LRBA: variants seen among roughly 807,000 people sequenced by gnomAD.
LRBA encodes LPS responsive beige-like anchor protein.
A neutral mutation model predicts 330.0 loss-of-function variants in LRBA; 176 were observed. The ratio of observed to expected loss-of-function variants is 0.53; its 90% CI spans 0.47 to 0.60. The LOEUF (loss-of-function observed/expected upper bound fraction) is 0.60, where lower values mean the gene tolerates loss of function less well. Ranked by LOEUF, LRBA falls within the 20% of genes least tolerant of loss-of-function variation. The pLI is 0.00. For missense variants in LRBA, 3,259 were observed against 3,444.8 expected (o/e 0.95, Z 1.35); for synonymous variants, 1,230 against 1,193.0 (o/e 1.03, Z -0.64).
At chr4:150,584,099 A>G (rs1400923456) in intron 40 of LRBA, 1 of 1,545,176 alleles carries the variant, frequency 6.5e-7, no homozygotes. Flanking sequence ...AAAAGCCTGG[A>G]CAAACTATAG....
chr4:150,399,525 C>T lies in LRBA; in HGVS notation c.7194+15913G>A, dbSNP rs1049641668. Among the ~76,000 whole-genome samples, 11 of 152,122 alleles carry T rather than the reference C, an allele frequency of 7.2e-5. 1 individual carries two copies. The highest frequency in any genetic ancestry group is 4.6e-4 in the Admixed American group (7 of 15,262). ...ACAAAGAATAAGAGAGGTCCTCAAG[C>T]GGCTCAACATCTCATGGTGAAAATG... On this transcript the variant is annotated intron_variant, in intron 47 of 56. Transcript: ENST00000651943.
intron 42 of LRBA, among the ~76,000 whole-genome samples, chr4:150,472,852 C>A (rs1756300794): frequency 6.6e-6 from 1 of 151,994 alleles, no homozygotes; most frequent in Admixed American, 6.6e-5. Context: ...TGACTAGTAT[C>A]CCACTGTATA....
At chr4:150,678,143 A>G (rs1369435662) in intron 37 of LRBA, among the ~76,000 whole-genome samples, 4 of 152,012 alleles carry the variant, frequency 2.6e-5, no homozygotes, top group Non-Finnish European at 4.4e-5. Context: ...TCAAAGGCTG[A>G]GACAGGATAA....
chr4:150,565,518 T>TA lies in LRBA; in HGVS notation c.6330+22529dup, dbSNP rs1016101619. Among the ~76,000 whole-genome samples, 8 of 151,912 alleles carry TA rather than the reference T, an allele frequency of 5.3e-5. No homozygotes were observed. The East Asian group carries it at 5.8e-4, about 11-fold the overall frequency. ...AGAACTAAAAATAAAATAAAAAATG[T>TA]AAAAAAAATAAAATCTATGTTTTAT... is the stretch of plus-strand genomic sequence containing the variant. On this transcript the variant is annotated intron_variant, in intron 40 of 56. Transcript: ENST00000651943.
rs1773825064 is a variant in LRBA, at chr4:150,599,058, G to A, written c.5995C>T (p.Pro1999Ser). 6.2e-7 allele frequency: 1 copy of A among 1,613,888 alleles called. No homozygotes were observed. The highest frequency in any genetic ancestry group is 8.5e-7 in the Non-Finnish European group (1 of 1,179,962). ...GCTTCAGGATGTGTCGATCCTAGAG[G>A]GTTACGCACAAATCGTCGCCGGCGC... The part of the protein sequence containing the change: ...LRRRRRFVRN[P>S]LGSTHPEATL... The change falls in exon 38 of 57, where the codon CCT becomes TCT. Residue 1999 changes from proline to serine, a missense_variant. Transcript: ENST00000651943.
chr4:150,908,669 G>A lies in LRBA; in HGVS notation c.1350C>T (p.Leu450=), dbSNP rs143448521. 5.6e-6 allele frequency: 9 copies of A among 1,612,104 alleles called. No homozygotes were observed. Among genetic ancestry groups the A allele is most frequent in the African/African-American group, 5.3e-5 (4 of 74,862 alleles). The change falls in exon 10 of 57, where the codon CTC becomes CTT. Residue 450 remains leucine (L), a synonymous_variant. Coordinates refer to ENST00000651943, the MANE Select transcript of LRBA (RefSeq NM_001364905.1). ...AGATCACAGTTAGTACCTGGAGCATGAGTGCATGTGGTGAATGAACAAAAA... is the reference window on the plus strand; with the variant it reads ...AGATCACAGTTAGTACCTGGAGCATAAGTGCATGTGGTGAATGAACAAAAA... ...PSIFVHSPHA[L]MLQDVKAVLT...
In LRBA at chr4:150,583,563, G is replaced by T; in HGVS notation, c.6330+4485C>A. The T allele has an allele frequency of 1.2e-6, 2 of 1,613,874 alleles. No individual in the cohort carries two copies. The highest frequency in any genetic ancestry group is 1.1e-5 in the South Asian group (1 of 91,062). On this transcript the variant is annotated intron_variant, in intron 40 of 56. Coordinates refer to ENST00000651943, the MANE Select transcript of LRBA (RefSeq NM_001364905.1). The surrounding 1 kb of genome is among the most constrained non-coding windows in gnomAD (Gnocchi z 9.8). ...TCACTCCGGCGTTCAAGTGCACCGG[G>T]ATCTGGCCTCGCAGCGCGGCACAGT...
rs1773806964 is a variant in LRBA at position 150,598,940 on chromosome 4, A to G, written c.6046+67T>C. ...CATTTTACAGTGCCTTGTAATAATG[A>G]AGTTATGCTCTTCATTACCAAGTCC... On this transcript the variant is annotated intron_variant, in intron 38 of 56. Transcript: ENST00000651943. 1.9e-6 allele frequency: 3 copies of G among 1,570,596 alleles called. No homozygotes were observed. In the South Asian group the frequency reaches 3.4e-5, roughly 18 times the overall value.
intron 42 of LRBA, among the ~76,000 whole-genome samples, chr4:150,486,593 T>C (rs1173210426): frequency 1.3e-5 from 2 of 151,910 alleles, no homozygotes; most frequent in South Asian, 2.1e-4. Flanking sequence ...TTGTCTTGTA[T>C]ACATCACGAA....
intron 9 of LRBA, among the ~76,000 whole-genome samples, chr4:150,912,747 A>C (rs1324824472): frequency 1.3e-5 from 2 of 151,906 alleles, no homozygotes; most frequent in African/African-American, 4.8e-5. Flanking sequence ...TGCTAACGTT[A>C]ACTTTATTTG....
rs886227063 is a variant in LRBA, at chr4:150,851,985, G to A, written c.3725C>T (p.Ala1242Val). The A allele has an allele frequency of 4.4e-5, 71 of 1,613,916 alleles. No homozygotes were observed. Among genetic ancestry groups the A allele is most frequent in the Non-Finnish European group, 5.4e-5 (64 of 1,179,994 alleles). Reference sequence around the variant, plus strand: ...AGCAACATTGGAAACATCCAACTTCGCAATCTTTTGCTCAGAAGAAGCCTC... The same window carrying A: ...AGCAACATTGGAAACATCCAACTTCACAATCTTTTGCTCAGAAGAAGCCTC... ...VSEASSEQKIAKLDVSNVATD... is the reference protein window; with the variant it reads ...VSEASSEQKIVKLDVSNVATD... The change falls in exon 23 of 57, where the codon GCG becomes GTG. Residue 1242 changes from alanine (A) to valine (V), a missense_variant. Transcript: ENST00000651943.
intron 47 of LRBA, among the ~76,000 whole-genome samples, chr4:150,411,949 T>C (rs930566450): frequency 6.6e-6 from 1 of 152,094 alleles, no homozygotes; most frequent in African/African-American, 2.4e-5. Context: ...TAAGATACAA[T>C]ACTAACAATT....
chr4:150,681,621 G>A (rs1260249494), intron 37 of LRBA, among the ~76,000 whole-genome samples: 1 of 152,090 alleles, frequency 6.6e-6, no homozygotes, highest in African/African-American at 2.4e-5. Flanking sequence ...GATTTATAGA[G>A]AGGAAAATAT....
intron 28 of LRBA, among the ~76,000 whole-genome samples, chr4:150,839,277 T>C (rs968386799): frequency 1.3e-5 from 2 of 152,208 alleles, no homozygotes; most frequent in African/African-American, 4.8e-5. Flanking sequence ...GGAACACTTT[T>C]ACAGTGTTGG....
intron 36 of LRBA, among the ~76,000 whole-genome samples, chr4:150,704,597 G>A (rs1376037156): frequency 6.6e-6 from 1 of 151,664 alleles, no homozygotes; most frequent in African/African-American, 2.4e-5. Flanking sequence ...ATAGATTTGG[G>A]CATATCTACA....
intron 30 of LRBA, among the ~76,000 whole-genome samples, chr4:150,823,004 G>A (rs1241724497): frequency 6.6e-6 from 1 of 152,086 alleles, no homozygotes; most frequent in Non-Finnish European, 1.5e-5. Flanking sequence ...CCTCCAAACT[G>A]TTTCCCATAG....
chr4:151,013,190 GCAAAGGGAAAGGTGCTAAACAGTTATTA>G lies in LRBA; in HGVS notation c.216+1209_216+1236del, dbSNP rs1313587820. 4 of 152,328 alleles carry G rather than the reference GCAAAGGGAAAGGTGCTAAACAGTTATTA, an allele frequency of 2.6e-5. No homozygotes were observed. In the East Asian group the frequency reaches 7.7e-4, roughly 29 times the overall value. 9.4% of individuals were successfully genotyped at this position (152,328 alleles called of 1,614,324 possible). A position where few individuals can be genotyped will look rare whatever the true frequency, so the allele number is the denominator to read the frequency against. On this transcript the variant is annotated intron_variant, in intron 2 of 56. Transcript: ENST00000651943. ...AAAACAAGCCTAACCTTGAAAAGAGGCAAAGGGAAAGGTGCTAAACAGTTATTACAATTAACTGCATGTTTATATTTGG... is the reference window on the plus strand; with the variant it reads ...AAAACAAGCCTAACCTTGAAAAGAGGCAATTAACTGCATGTTTATATTTGG...
chr4:150,369,776 T>C lies in LRBA; in HGVS notation c.7195-19617A>G, dbSNP rs372295962. ...AGTCTACCTCTTCTGAAATGCTTCC[T>C]GATTCAAAGGTGTTGATTTCTGTGT... On this transcript the variant is annotated intron_variant, in intron 47 of 56. Coordinates refer to ENST00000651943, the MANE Select transcript of LRBA (RefSeq NM_001364905.1). 4.6e-5 allele frequency among the ~76,000 whole-genome samples: 7 copies of C among 152,328 alleles called. No individual in the cohort carries two copies. The East Asian group carries it at 1.3e-3, about 29-fold the overall frequency.
intron 53 of LRBA, among the ~76,000 whole-genome samples, chr4:150,296,673 A>C (rs1371957192): frequency 1.3e-5 from 2 of 152,200 alleles, no homozygotes; most frequent in East Asian, 3.8e-4. Context: ...TCGTAAAAAA[A>C]AAATCAGAGA....
Sources: gnomAD v4.1 joint callset for allele counts (sites outside exome capture counted in the v4.1 genomes callset) on GRCh38, gnomAD v4.1.1 for gene constraint, Gnocchi (gnomAD v3.1) non-coding constraint, MANE v1.5 for transcripts, NCBI Gene and HGNC (gene_info 2026-07-23, HGNC 2026-07-21) for gene names.